The following POSTN variants were observed in gnomAD, a reference collection of about 807,000 sequenced individuals.
The protein encoded by POSTN is periostin, also known as osteoblast specific factor 2 (fasciclin I-like).
POSTN carries 71 observed loss-of-function variants against 104.5 expected under a neutral mutation model. The ratio of observed to expected loss-of-function variants is 0.68; its 90% CI spans 0.56 to 0.83. The LOEUF is 0.83. Ranked by LOEUF, POSTN falls within the 40% of genes least tolerant of loss-of-function variation. The pLI is 0.00. For missense variants in POSTN, 949 were observed against 1,006.8 expected, an observed-to-expected ratio of 0.94 and a Z score of 0.78; for synonymous variants, 355 against 340.7, an observed-to-expected ratio of 1.04 and a Z score of -0.46.
chr13:37,578,608 G>A (rs142973906), intron 15 of POSTN, among the ~76,000 whole-genome samples: 13,403 of 151,590 alleles, frequency 0.088, 825 homozygotes, highest in South Asian at 0.17. Context: ...CCATCCTGGC[G>A]AACACAGTGA....
At position 37,564,522 on chromosome 13, in the gene POSTN, G is replaced by GGA; in HGVS notation, c.2469_2470insTC (p.Gln824SerfsTer8). On this transcript the variant is annotated frameshift_variant, in exon 22 of 23. Transcript: ENST00000379747. LOFTEE classifies it high-confidence loss of function. Reference sequence around the variant, plus strand: ...TTACTATAGCCAATACACTTACCTTGAACTTTTTTGTTGGCTTGCAACTTC... The same window carrying GGA: ...TTACTATAGCCAATACACTTACCTTGGAAACTTTTTTGTTGGCTTGCAACTTC... 6.3e-7 allele frequency: 1 copy of GGA among 1,591,310 alleles called. No individual in the cohort carries two copies. The highest frequency in any genetic ancestry group is 8.6e-7 in the Non-Finnish European group (1 of 1,161,442).
chr13:37,583,958 C>T lies in POSTN; in HGVS notation c.1243+11G>A. 3 of 1,612,832 alleles carry T rather than the reference C, an allele frequency of 1.9e-6. No individual in the cohort carries two copies. Among genetic ancestry groups the T allele is most frequent in the Non-Finnish European group, 2.5e-6 (3 of 1,179,314 alleles). On this transcript the variant is annotated intron_variant, in intron 9 of 22. Coordinates refer to ENST00000379747, the MANE Select transcript of POSTN (RefSeq NM_006475.3). Reference sequence around the variant, plus strand: ...AGGCAGAGAGCAGGAACAACAGTGTCCAGCACATACCAGAAAATGCATTAT... The same window carrying T: ...AGGCAGAGAGCAGGAACAACAGTGTTCAGCACATACCAGAAAATGCATTAT...
In POSTN at chr13:37,569,826, G is replaced by A; in HGVS notation, c.2270-5C>T. 1.3e-6 allele frequency: 2 copies of A among 1,582,850 alleles called. No individual in the cohort carries two copies. The highest frequency in any genetic ancestry group is 1.7e-6 in the Non-Finnish European group (2 of 1,155,270). ...TAGTGTATTTTATTTCAGGACCTAT[G>A]AGAAGGACAATGAAAAAGGTCTAAA... On this transcript the variant is annotated splice_polypyrimidine_tract_variant and splice_region_variant and intron_variant, in intron 19 of 22. Coordinates refer to ENST00000379747, the MANE Select transcript of POSTN (RefSeq NM_006475.3).
Position 37,584,845 on chromosome 13 carries a change from T to A in POSTN, c.979A>T (p.Asn327Tyr). ...CCGTCACATCCTATCTCAATTGTAT[T>A]TCCTTCCAGCGTCTCAAAGACTGCT... Reference protein sequence around the residue: ...GGAVFETLEGNTIEIGCDGDS... With the variant: ...GGAVFETLEGYTIEIGCDGDS... The change falls in exon 8 of 23, where the codon AAT (asparagine) becomes TAT (tyrosine). Residue 327 changes from asparagine (N) to tyrosine (Y), a missense_variant. By Grantham distance (143) the Asn-to-Tyr change is moderately radical. Transcript: ENST00000379747. 6.2e-7 allele frequency: 1 copy of A among 1,613,958 alleles called. No individual in the cohort carries two copies. The highest frequency in any genetic ancestry group is 8.5e-7 in the Non-Finnish European group (1 of 1,179,950).
intron 16 of POSTN, among the ~76,000 whole-genome samples, chr13:37,575,986 A>G (rs889870070): frequency 2.2e-4 from 33 of 152,234 alleles, no homozygotes; most frequent in African/African-American, 7.7e-4. Flanking sequence ...TTTTTACATC[A>G]TGTTAAGGAA....
chr13:37,581,092 T>A (rs1384717091), intron 10 of POSTN, among the ~76,000 whole-genome samples: 1 of 152,194 alleles, frequency 6.6e-6, no homozygotes, highest in African/African-American at 2.4e-5. Flanking sequence ...AAATATTTAC[T>A]TTATTTTCTT....
In POSTN at chr13:37,590,434, C is replaced by A; in HGVS notation, c.379G>T (p.Glu127Ter). ...AAGTAAGTGAAGGATCCCTTTCCCTCGATCTCCTCCCTCAGTTTTGAGGCG... is the reference window on the plus strand; with the variant it reads ...AAGTAAGTGAAGGATCCCTTTCCCTAGATCTCCTCCCTCAGTTTTGAGGCG... ...SDASKLREEI[E>*]GKGSFTYFAP... The change falls in exon 4 of 23, where the codon GAG becomes TAG. Residue 127 changes from glutamate to a stop codon, truncating the protein, a stop_gained. Transcript: ENST00000379747. LOFTEE classifies it high-confidence loss of function. The A allele has an allele frequency of 6.2e-7, 1 of 1,612,356 alleles. No homozygotes were observed. Among genetic ancestry groups the A allele is most frequent in the Non-Finnish European group, 8.5e-7 (1 of 1,179,134 alleles).
chr13:37,593,255 T>C (rs1169287796), intron 2 of POSTN, among the ~76,000 whole-genome samples: 1 of 149,796 alleles, frequency 6.7e-6, no homozygotes, highest in African/African-American at 2.4e-5. Flanking sequence ...TTTAAAATTA[T>C]ATATAATTGC....
intron 4 of POSTN, among the ~76,000 whole-genome samples, chr13:37,588,775 G>T (rs921490994): frequency 6.6e-6 from 1 of 152,088 alleles, no homozygotes; most frequent in African/African-American, 2.4e-5. Flanking sequence ...AATTTAGAAG[G>T]GTATGTGGGA....
At position 37,580,628 on chromosome 13, in the gene POSTN, A is replaced by G. The variant is rs762686524; in HGVS notation, c.1462T>C (p.Phe488Leu). 1 of 1,614,098 alleles carries G rather than the reference A, an allele frequency of 6.2e-7. No individual in the cohort carries two copies. Among genetic ancestry groups the G allele is most frequent in the Non-Finnish European group, 8.5e-7 (1 of 1,179,982 alleles). ...TCTGCTGGCTTGATGATCTCGCGGA[A>G]TATGTGAATCGCACCGTTTCTCCCT... ...KQGRNGAIHI[F>L]REIIKPAEKS... The change falls in exon 11 of 23, where the codon TTC becomes CTC. Residue 488 changes from phenylalanine to leucine, a missense_variant. By Grantham distance (22) the Phe-to-Leu change is conservative. Transcript: ENST00000379747.
At chr13:37,597,572 T>C (rs138323723) in intron 1 of POSTN, among the ~76,000 whole-genome samples, 4 of 152,274 alleles carry the variant, frequency 2.6e-5, no homozygotes, top group Admixed American at 2.6e-4. Flanking sequence ...ATGAACGTAA[T>C]TTTATTTCTA....
chr13:37,567,358 A>C (rs1369054139), intron 21 of POSTN, among the ~76,000 whole-genome samples: 13 of 151,254 alleles, frequency 8.6e-5, no homozygotes, highest in Admixed American at 2.6e-4. Flanking sequence ...ATATGTATTA[A>C]TTGGCCAGAC....
chr13:37,593,457 A>T (rs1593368314), intron 2 of POSTN, among the ~76,000 whole-genome samples: 1 of 151,556 alleles, frequency 6.6e-6, no homozygotes, highest in East Asian at 1.9e-4. Context: ...AGGTACATGT[A>T]CCAAACAATT....
At chr13:37,597,412 C>T in intron 1 of POSTN, 130 bp from the exon 2 acceptor site, 1 of 632,910 alleles carries the variant, frequency 1.6e-6, no homozygotes, top group Admixed American at 3.8e-5. Flanking sequence ...TCTAGCCTTG[C>T]ACAAATCTAA....
At position 37,580,012 on chromosome 13, in the gene POSTN, T is replaced by C. The variant is rs202099776; in HGVS notation, c.1530-21A>G. 151 of 1,607,642 alleles carry C rather than the reference T, an allele frequency of 9.4e-5. No individual in the cohort carries two copies. The East Asian group carries it at 2.8e-3, about 30-fold the overall frequency. Reference sequence around the variant, plus strand: ...AGGTGCTAAGTGGGAAGAATGTATATGTATTTTGTCAGATTTAGATTTAGG... The same window carrying C: ...AGGTGCTAAGTGGGAAGAATGTATACGTATTTTGTCAGATTTAGATTTAGG... On this transcript the variant is annotated intron_variant, in intron 11 of 22. Coordinates refer to ENST00000379747, the MANE Select transcript of POSTN (RefSeq NM_006475.3).
intron 21 of POSTN, 100 bp downstream of exon 21, chr13:37,569,200 T>C (rs12184907): frequency 0.044 from 32,018 of 720,852 alleles, 963 homozygotes; most frequent in Non-Finnish European, 0.052. Flanking sequence ...TTTTTTTTTT[T>C]AACCCAATTA....
intron 19 of POSTN, 113 bp downstream of exon 19, chr13:37,570,467 T>C: frequency 2.9e-6 from 2 of 682,130 alleles, no homozygotes; most frequent in Non-Finnish European, 5.0e-6. Flanking sequence ...GAAGTAACTT[T>C]AGTAATCACT....
In POSTN at chr13:37,590,544, A is replaced by G. The variant is rs1950899073; in HGVS notation, c.284-15T>C. On this transcript the variant is annotated splice_polypyrimidine_tract_variant and intron_variant, in intron 3 of 22. Transcript: ENST00000379747. ...AATGGGCAAAACTGAAATAATCAAG[A>G]AATGAATCAGTACTGGGGATAATAT... 1 of 1,604,320 alleles carries G rather than the reference A, an allele frequency of 6.2e-7. No individual in the cohort carries two copies. Among genetic ancestry groups the G allele is most frequent in the Non-Finnish European group, 8.5e-7 (1 of 1,172,604 alleles).
chr13:37,584,650 A>C, intron 8 of POSTN, 66 bp downstream of exon 8: 1 of 1,297,230 alleles, frequency 7.7e-7, no homozygotes, highest in Non-Finnish European at 1.1e-6. Context: ...TTACTCTTTG[A>C]GACAGCATAA....
Sources: gnomAD v4.1 joint callset for allele counts (sites outside exome capture counted in the v4.1 genomes callset) on GRCh38, gnomAD v4.1.1 for gene constraint, MANE v1.5 for transcripts, NCBI Gene and HGNC (gene_info 2026-07-23, HGNC 2026-07-21) for gene names.